The following SSH2 variants were observed in gnomAD, a reference collection of about 807,000 sequenced individuals.
SSH2 encodes the protein protein phosphatase Slingshot homolog 2.
A neutral mutation model predicts 135.2 loss-of-function variants in SSH2; 37 were observed. The observed-to-expected ratio is 0.27, with a 90% CI of 0.21 to 0.36. The LOEUF (loss-of-function observed/expected upper bound fraction) is 0.36. Among genes scored for constraint, SSH2 ranks in the 10% least tolerant of loss-of-function variants. SSH2 has a pLI of 1.00. For synonymous variants in SSH2, 628 were observed against 646.2 expected (o/e 0.97, Z 0.43); for missense variants, 1,408 against 1,765.3 (o/e 0.80, Z 3.63).
chr17:29,839,893 C>T (rs1264985979), intron 2 of SSH2, among the ~76,000 whole-genome samples: 1 of 152,144 alleles, frequency 6.6e-6, no homozygotes, highest in Admixed American at 6.6e-5. Context: ...GGTCACATAC[C>T]TTAAGCAAGC....
At position 29,641,991 on chromosome 17, in the gene SSH2, C is replaced by T. The variant is rs12600744; in HGVS notation, c.1428-5189G>A. Among the ~76,000 whole-genome samples, 8 of 149,154 alleles carry T rather than the reference C, an allele frequency of 5.4e-5. No individual in the cohort carries two copies. The East Asian group carries it at 1.6e-3, about 29-fold the overall frequency. On this transcript the variant is annotated intron_variant, in intron 14 of 15. Transcript: ENST00000540801. ...GGCCAGGAGTTATAGTAAAATCAGG[C>T]TGCCTATAGTTACTTTTTGGGGTAT...
intron 1 of SSH2, among the ~76,000 whole-genome samples, chr17:29,851,833 C>G (rs2065567494): frequency 6.6e-6 from 1 of 151,938 alleles, no homozygotes; most frequent in Non-Finnish European, 1.5e-5. Flanking sequence ...GTGCCACTGC[C>G]ATCTGGCCTG....
chr17:29,771,031 C>A (rs1399180330), intron 3 of SSH2, among the ~76,000 whole-genome samples: 2 of 152,176 alleles, frequency 1.3e-5, no homozygotes, highest in African/African-American at 4.8e-5. Context: ...AAGGGACCTG[C>A]CCAAACTTAC....
chr17:29,631,670 C>A lies in SSH2; in HGVS notation c.3524G>T (p.Ser1175Ile). ...TTCTGCAGAGGGCTCATCTGTAGTG[C>A]TGCTCTGCTCTGTGAAGCCCTCCAG... ...VHLEGFTEQS[S>I]TTDEPSAEQV... The change falls in exon 16 of 16, where the codon AGC becomes ATC. Residue 1175 changes from serine (S) to isoleucine (I), a missense_variant. This residue lies in a region of SSH2 where 1,080 missense variants were observed against 1,144.5 expected (regional missense o/e 0.94). Transcript: ENST00000540801. 1 of 1,614,214 alleles carries A rather than the reference C, an allele frequency of 6.2e-7. No homozygotes were observed.
intron 3 of SSH2, among the ~76,000 whole-genome samples, chr17:29,735,884 C>T (rs529457294): frequency 6.6e-6 from 1 of 151,726 alleles, no homozygotes; most frequent in Non-Finnish European, 1.5e-5. Context: ...ATCACTTGAG[C>T]TCAGAAGTTC....
chr17:29,825,887 A>G (rs1334558289), intron 2 of SSH2, among the ~76,000 whole-genome samples: 1 of 152,220 alleles, frequency 6.6e-6, no homozygotes, highest in Non-Finnish European at 1.5e-5. Flanking sequence ...CAGCCCTAAA[A>G]GCAGGTTTAG....
intron 3 of SSH2, among the ~76,000 whole-genome samples, chr17:29,705,771 C>A (rs983892107): frequency 6.6e-6 from 1 of 152,082 alleles, no homozygotes; most frequent in Non-Finnish European, 1.5e-5. Flanking sequence ...CTTTCTGTTC[C>A]CTACTTGGAA....
chr17:29,793,382 C>A (rs2042104887), intron 3 of SSH2, among the ~76,000 whole-genome samples: 1 of 152,144 alleles, frequency 6.6e-6, no homozygotes, highest in Non-Finnish European at 1.5e-5. Flanking sequence ...ATTTACCAAT[C>A]TGCAAGAATT....
intron 2 of SSH2, among the ~76,000 whole-genome samples, chr17:29,824,454 C>A (rs1015041044): frequency 2.0e-5 from 3 of 152,116 alleles, no homozygotes; most frequent in African/African-American, 7.2e-5. Context: ...GGAAAATTGT[C>A]CCAGAAGCCT....
intron 3 of SSH2, among the ~76,000 whole-genome samples, chr17:29,733,094 G>A (rs1420546928): frequency 6.6e-6 from 1 of 152,184 alleles, no homozygotes; most frequent in East Asian, 1.9e-4. Flanking sequence ...GCTGGGAAGA[G>A]TCTTCCAGCA....
chr17:29,653,618 ACTCTGTT>A, intron 12 of SSH2, among the ~76,000 whole-genome samples: 1 of 150,672 alleles, frequency 6.6e-6, no homozygotes, highest in East Asian at 2.0e-4. Flanking sequence ...ACAGAGTCTC[ACTCTGTT>A]GCCTAGGCTG....
At chr17:29,656,946 AC>A (rs1234053079) in intron 11 of SSH2, among the ~76,000 whole-genome samples, 1 of 152,126 alleles carries the variant, frequency 6.6e-6, no homozygotes, top group Non-Finnish European at 1.5e-5. Flanking sequence ...ATAATTCTTC[AC>A]ATTTAGTTGT....
chr17:29,844,024 T>C (rs573415051), intron 2 of SSH2, among the ~76,000 whole-genome samples: 112 of 152,350 alleles, frequency 7.4e-4, no homozygotes, highest in African/African-American at 2.6e-3. Flanking sequence ...TTTTAGACTT[T>C]CTTTGCATCT....
intron 2 of SSH2, among the ~76,000 whole-genome samples, chr17:29,799,496 T>C (rs907692408): frequency 2.0e-5 from 3 of 152,222 alleles, no homozygotes; most frequent in Non-Finnish European, 4.4e-5. Flanking sequence ...ATTATGGTCT[T>C]AATTTGCTTT....
intron 9 of SSH2, among the ~76,000 whole-genome samples, chr17:29,669,261 G>GA (rs2037397457): frequency 1.3e-5 from 2 of 151,502 alleles, no homozygotes; most frequent in South Asian, 4.2e-4. Context: ...AAAAAAAAAA[G>GA]AAAAAAAGAG....
intron 3 of SSH2, among the ~76,000 whole-genome samples, chr17:29,703,824 C>T (rs1419880506): frequency 6.6e-6 from 1 of 152,130 alleles, no homozygotes; most frequent in Non-Finnish European, 1.5e-5. Context: ...TGTGATCCAC[C>T]AGCCTCGGCC....
intron 15 of SSH2, among the ~76,000 whole-genome samples, chr17:29,633,719 A>G (rs540984807): frequency 7.2e-5 from 11 of 152,366 alleles, no homozygotes; most frequent in African/African-American, 2.6e-4. Flanking sequence ...AACAAGGCCA[A>G]AGAATACTGA....
chr17:29,756,263 CAAAAA>C (rs1375228462), intron 3 of SSH2, among the ~76,000 whole-genome samples: 1 of 82,698 alleles, frequency 1.2e-5, no homozygotes, highest in African/African-American at 4.5e-5. Context: ...GACTCTGTCT[CAAAAA>C]AAAAAAAAAA....
At chr17:29,696,675 G>A (rs1270644750) in intron 4 of SSH2, among the ~76,000 whole-genome samples, 2 of 144,070 alleles carry the variant, frequency 1.4e-5, no homozygotes, top group African/African-American at 2.5e-5. Flanking sequence ...ATACGTACGT[G>A]TGTGTGTGTG....
Sources: gnomAD v4.1 joint callset for allele counts (sites outside exome capture counted in the v4.1 genomes callset) on GRCh38, gnomAD v4.1.1 for gene constraint, gnomAD v4.1.1 regional missense constraint, MANE v1.5 for transcripts, NCBI Gene and HGNC (gene_info 2026-07-23, HGNC 2026-07-21) for gene names.